The following TDRP variants were observed in gnomAD, a reference collection of about 807,000 sequenced individuals.
TDRP encodes the protein testis development related protein.
TDRP carries 12 observed loss-of-function variants against 10.5 expected under a neutral mutation model. The observed-to-expected ratio is 1.15, with a 90% CI of 0.73 to 1.86. The LOEUF is 1.86. Ranked by LOEUF, TDRP falls within the 40% of genes most tolerant of loss-of-function variation. The probability of loss-of-function intolerance (pLI) is 0.00; values close to 1 mark genes in which losing one functional copy is unlikely to be tolerated. For missense variants in TDRP, 353 were observed against 229.2 expected (o/e 1.54, Z -3.49); for synonymous variants, 139 against 95.4 (o/e 1.46, Z -2.67).
rs1202720890 is a variant in TDRP at position 530,533 on chromosome 8, T to G, written c.108+14117A>C. On this transcript the variant is annotated intron_variant, in intron 1 of 2. Coordinates refer to ENST00000324079, the MANE Select transcript of TDRP (RefSeq NM_001384899.1). ...TTCACCAATCAGCTCAGCTAGAGATTCTGGGGCCTCTCAAACCTTTTCTGG... is the reference window on the plus strand; with the variant it reads ...TTCACCAATCAGCTCAGCTAGAGATGCTGGGGCCTCTCAAACCTTTTCTGG... 3.3e-5 allele frequency among the ~76,000 whole-genome samples: 5 copies of G among 152,260 alleles called. No individual in the cohort carries two copies. The South Asian group carries it at 1.0e-3, about 32-fold the overall frequency.
At chr8:543,118 G>C (rs572795297) in intron 1 of TDRP, among the ~76,000 whole-genome samples, 1 of 152,100 alleles carries the variant, frequency 6.6e-6, no homozygotes, top group African/African-American at 2.4e-5. Context: ...GATCTGCCTG[G>C]ACAACATAGC....
At chr8:530,492 G>T (rs571463207) in intron 1 of TDRP, among the ~76,000 whole-genome samples, 1 of 152,090 alleles carries the variant, frequency 6.6e-6, no homozygotes, top group Non-Finnish European at 1.5e-5. Flanking sequence ...GGACTGGCTT[G>T]GTACAGGAGA....
intron 1 of TDRP, among the ~76,000 whole-genome samples, chr8:538,446 C>A (rs1328299053): frequency 1.3e-5 from 2 of 152,180 alleles, no homozygotes; most frequent in Non-Finnish European, 2.9e-5. Context: ...CAGATGGTGG[C>A]ACCAACCCAT....
intron 1 of TDRP, among the ~76,000 whole-genome samples, chr8:512,704 T>C (rs1045187502): frequency 5.9e-5 from 9 of 152,106 alleles, no homozygotes; most frequent in African/African-American, 2.2e-4. Context: ...CCAGGTGCAG[T>C]GGTCTCATGC....
rs1800992653 is a variant in TDRP at position 492,066 on chromosome 8, G to C, written c.*333C>G. The C allele has an allele frequency of 1.0e-5, 12 of 1,149,564 alleles. No individual in the cohort carries two copies. Among genetic ancestry groups the C allele is most frequent in the Non-Finnish European group, 1.3e-5 (12 of 936,652 alleles). 71.2% of individuals were successfully genotyped at this position (1,149,564 alleles called of 1,614,324 possible). A position where few individuals can be genotyped will look rare whatever the true frequency, so the allele number is the denominator to read the frequency against. On this transcript the variant is annotated 3_prime_UTR_variant, in exon 3 of 3. Coordinates refer to ENST00000324079, the MANE Select transcript of TDRP (RefSeq NM_001384899.1). ...AGTTCTGAAACAGAACTACAACACAGAGCAGCATGAAAATCATTTTGTGAG... is the reference window on the plus strand; with the variant it reads ...AGTTCTGAAACAGAACTACAACACACAGCAGCATGAAAATCATTTTGTGAG...
At position 537,140 on chromosome 8, in the gene TDRP, C is replaced by T. The variant is rs1164691752; in HGVS notation, c.108+7510G>A. Among the ~76,000 whole-genome samples the T allele has an allele frequency of 2.0e-5, 3 of 152,228 alleles. No homozygotes were observed. In the East Asian group the frequency reaches 5.8e-4, roughly 29 times the overall value. On this transcript the variant is annotated intron_variant, in intron 1 of 2. Transcript: ENST00000324079. ...TAATGTGGAAACCCCACACCAGGTA[C>T]ACTCCTCTCAGGGGCACTGCTGAGC...
intron 1 of TDRP, among the ~76,000 whole-genome samples, chr8:538,740 C>T (rs939777574): frequency 6.6e-6 from 1 of 152,180 alleles, no homozygotes; most frequent in Non-Finnish European, 1.5e-5. Flanking sequence ...TAGAAGTCTT[C>T]ATTAGGCTTG....
intron 1 of TDRP, among the ~76,000 whole-genome samples, chr8:519,595 T>C (rs1801845044): frequency 6.6e-6 from 1 of 151,702 alleles, no homozygotes; most frequent in African/African-American, 2.4e-5. Context: ...CCTCAGCCCC[T>C]CGTGACCACC....
intron 1 of TDRP, among the ~76,000 whole-genome samples, chr8:517,329 T>C (rs1024717149): frequency 6.6e-6 from 1 of 152,186 alleles, no homozygotes; most frequent in Non-Finnish European, 1.5e-5. Context: ...GAATTTACAT[T>C]CTATGGGGCA....
intron 1 of TDRP, among the ~76,000 whole-genome samples, chr8:521,402 G>GAC (rs1203875541): frequency 6.6e-6 from 1 of 151,880 alleles, no homozygotes; most frequent in African/African-American, 2.4e-5. Flanking sequence ...GGGCAAGAGA[G>GAC]AGAGATGCCG....
chr8:521,216 C>G (rs1801892762), intron 1 of TDRP, among the ~76,000 whole-genome samples: 2 of 131,026 alleles, frequency 1.5e-5, no homozygotes, highest in Admixed American at 1.8e-4. Context: ...TCCTGGCTAA[C>G]ACGGTCAAAC....
chr8:495,818 T>C (rs779362480), intron 1 of TDRP, among the ~76,000 whole-genome samples: 3 of 152,198 alleles, frequency 2.0e-5, no homozygotes, highest in Middle Eastern at 3.2e-3. Context: ...GTGCAATGTC[T>C]GGGGGTCTCC....
At position 544,635 on chromosome 8, in the gene TDRP, T is replaced by C; in HGVS notation, c.108+15A>G. On this transcript the variant is annotated intron_variant, in intron 1 of 2. Transcript: ENST00000324079. Reference sequence around the variant, plus strand: ...CCCCGGCCTACTAGCACTCCCCACCTGCGCACCCCCTCACCTGCGCCTGGG... The same window carrying C: ...CCCCGGCCTACTAGCACTCCCCACCCGCGCACCCCCTCACCTGCGCCTGGG... 1 of 1,233,914 alleles carries C rather than the reference T, an allele frequency of 8.1e-7. No homozygotes were observed. Among genetic ancestry groups the C allele is most frequent in the Non-Finnish European group, 1.0e-6 (1 of 988,476 alleles). 76.4% of individuals were successfully genotyped at this position (1,233,914 alleles called of 1,614,324 possible). A position where few individuals can be genotyped will look rare whatever the true frequency, so the allele number is the denominator to read the frequency against.
intron 1 of TDRP, among the ~76,000 whole-genome samples, chr8:502,373 C>A (rs988366377): frequency 6.6e-6 from 1 of 152,190 alleles, no homozygotes; most frequent in Non-Finnish European, 1.5e-5. Flanking sequence ...CAGGAAGGCC[C>A]GCAGCCGTGT....
At chr8:518,357 C>A (rs1801811755) in intron 1 of TDRP, among the ~76,000 whole-genome samples, 1 of 152,110 alleles carries the variant, frequency 6.6e-6, no homozygotes, top group Non-Finnish European at 1.5e-5. Context: ...ACAAAGCCAA[C>A]AGGCATGGGT....
chr8:537,446 A>T (rs1428945616), intron 1 of TDRP, among the ~76,000 whole-genome samples: 2 of 152,206 alleles, frequency 1.3e-5, no homozygotes, highest in Non-Finnish European at 2.9e-5. Context: ...TATTTCTATT[A>T]TTTAATAACA....
At chr8:500,417 C>T (rs1801258363) in intron 1 of TDRP, among the ~76,000 whole-genome samples, 1 of 152,286 alleles carries the variant, frequency 6.6e-6, no homozygotes, top group Non-Finnish European at 1.5e-5. Context: ...CAGATCCTGT[C>T]CATGAGCACA....
intron 1 of TDRP, among the ~76,000 whole-genome samples, chr8:543,501 C>T (rs112025393): frequency 1.3e-5 from 2 of 151,814 alleles, no homozygotes; most frequent in African/African-American, 2.4e-5. Flanking sequence ...TATAAATTCT[C>T]ATCATTACAT....
chr8:531,943 C>G (rs1802210806), intron 1 of TDRP, among the ~76,000 whole-genome samples: 1 of 152,164 alleles, frequency 6.6e-6, no homozygotes, highest in African/African-American at 2.4e-5. Context: ...ACAGTGGGCC[C>G]TGCGGTGGTT....
Sources: allele counts gnomAD v4.1 joint callset (sites outside exome capture counted in the v4.1 genomes callset), GRCh38; gene constraint gnomAD v4.1.1; transcripts MANE v1.5; gene names NCBI Gene and HGNC (gene_info 2026-07-23, HGNC 2026-07-21).